The following SLC22A15 variants were observed in gnomAD, a reference collection of about 807,000 sequenced individuals.
SLC22A15 encodes flipt 1.
SLC22A15 carries 45 observed loss-of-function variants against 62.7 expected under a neutral mutation model. The observed-to-expected ratio is 0.72, with a 90% CI of 0.56 to 0.92. SLC22A15 has a LOEUF of 0.92. SLC22A15 is among the 40% of genes least tolerant of loss of function. The probability of loss-of-function intolerance (pLI) is 0.00; values close to 1 mark genes in which losing one functional copy is unlikely to be tolerated. For missense variants in SLC22A15, 622 were observed against 665.6 expected, an observed-to-expected ratio of 0.93 and a Z score of 0.72; for synonymous variants, 264 against 267.0, an observed-to-expected ratio of 0.99 and a Z score of 0.11.
intron 8 of SLC22A15, among the ~76,000 whole-genome samples, chr1:116,046,926 C>T (rs1411413796): frequency 6.6e-6 from 1 of 152,156 alleles, no homozygotes; most frequent in African/African-American, 2.4e-5. Context: ...CCTGGCACCA[C>T]AGGGATCCCT....
intron 2 of SLC22A15, among the ~76,000 whole-genome samples, chr1:115,999,502 C>CTTT (rs71096857): frequency 7.5e-6 from 1 of 133,950 alleles, no homozygotes; most frequent in African/African-American, 2.8e-5. Flanking sequence ...TATTTTTGTT[C>CTTT]TTTTTTTTTT....
At chr1:116,028,409 A>G (rs1296897130) in intron 5 of SLC22A15, among the ~76,000 whole-genome samples, 1 of 151,642 alleles carries the variant, frequency 6.6e-6, no homozygotes, top group Non-Finnish European at 1.5e-5. Context: ...GAATAAATAA[A>G]TTTTCTTTTA....
In SLC22A15 at chr1:116,052,249, C is replaced by T. The variant is rs528760825; in HGVS notation, c.1172-10513C>T. 1.9e-4 allele frequency among the ~76,000 whole-genome samples: 29 copies of T among 152,320 alleles called. 1 individual carries two copies. The East Asian group carries it at 2.5e-3, about 13-fold the overall frequency. ...CTTAGGAAACCAGGAGATTATATCC[C>T]GCACCTGGCTCGGAGGGTCCTACGC... is the stretch of plus-strand genomic sequence containing the variant. On this transcript the variant is annotated intron_variant, in intron 8 of 11. Transcript: ENST00000369503.
chr1:116,027,217 G>T, intron 5 of SLC22A15, 195 bp downstream of exon 5: 1 of 654,296 alleles, frequency 1.5e-6, no homozygotes, highest in South Asian at 1.5e-5. Context: ...CAGAATGCAG[G>T]TATCCCTTGT....
intron 8 of SLC22A15, among the ~76,000 whole-genome samples, chr1:116,045,870 AT>A (rs149958210): frequency 0.04 from 6,004 of 149,750 alleles, 170 homozygotes; most frequent in Middle Eastern, 0.066. Flanking sequence ...TGGTCAATTG[AT>A]TTTTTTTTTG....
At chr1:116,023,767 A>G (rs887797247) in intron 4 of SLC22A15, among the ~76,000 whole-genome samples, 2 of 152,238 alleles carry the variant, frequency 1.3e-5, no homozygotes, top group Non-Finnish European at 2.9e-5. Flanking sequence ...TAAATAGGAT[A>G]GTTAGAGAAA....
intron 2 of SLC22A15, among the ~76,000 whole-genome samples, chr1:116,016,606 A>T (rs1557887818): frequency 1.3e-5 from 2 of 152,090 alleles, no homozygotes; most frequent in Non-Finnish European, 2.9e-5. Context: ...TTCTCTACTT[A>T]GATGTTTTAT....
intron 6 of SLC22A15, among the ~76,000 whole-genome samples, chr1:116,034,957 A>G (rs1243385922): frequency 6.6e-6 from 1 of 152,260 alleles, no homozygotes; most frequent in African/African-American, 2.4e-5. Context: ...TTTATATAAC[A>G]TATAGACATA....
intron 8 of SLC22A15, among the ~76,000 whole-genome samples, chr1:116,051,505 A>G (rs1411646848): frequency 6.6e-6 from 1 of 152,244 alleles, no homozygotes; most frequent in Non-Finnish European, 1.5e-5. Context: ...ATAATTGGCT[A>G]GCCACATGTA....
At chr1:116,020,046 C>T (rs1656739542) in intron 3 of SLC22A15, among the ~76,000 whole-genome samples, 1 of 152,246 alleles carries the variant, frequency 6.6e-6, no homozygotes, top group African/African-American at 2.4e-5. Context: ...GGCCCATTTC[C>T]TTATATCTCT....
intron 11 of SLC22A15, 107 bp downstream of exon 11, chr1:116,066,815 A>G (rs1658510962): frequency 8.6e-7 from 1 of 1,160,488 alleles, no homozygotes; most frequent in Non-Finnish European, 1.2e-6. Context: ...CTGGAAAACA[A>G]AAGTGGGATC....
chr1:115,986,438 C>T (rs1273097998), intron 1 of SLC22A15, among the ~76,000 whole-genome samples: 7 of 152,022 alleles, frequency 4.6e-5, no homozygotes, highest in African/African-American at 1.5e-4. Context: ...GCAATATTTC[C>T]CCCGTAAATA....
At chr1:116,014,570 G>T (rs1656432664) in intron 2 of SLC22A15, among the ~76,000 whole-genome samples, 1 of 152,074 alleles carries the variant, frequency 6.6e-6, no homozygotes, top group African/African-American at 2.4e-5. Context: ...TAGATTTCCT[G>T]CTTTTTCAAT....
chr1:116,031,039 C>T (rs1195602245), intron 5 of SLC22A15, among the ~76,000 whole-genome samples: 1 of 152,024 alleles, frequency 6.6e-6, no homozygotes, highest in Non-Finnish European at 1.5e-5. Context: ...TTTCATTATT[C>T]AGTCCTATAG....
In SLC22A15 at chr1:116,031,892, A is replaced by G. The variant is rs1029360662; in HGVS notation, c.944+311A>G. 1.2e-5 allele frequency: 14 copies of G among 1,137,870 alleles called. No homozygotes were observed. The African/African-American group carries it at 1.9e-4, about 16-fold the overall frequency. The allele number at this position is 1,137,870 out of a possible 1,614,324, so 70.5% of individuals were successfully genotyped here. ...AAGCCTTCCTGCCCCTTCCCCTGCAAAAAAGGAAAGAAAGCAAATAAGCAT... is the reference window on the plus strand; with the variant it reads ...AAGCCTTCCTGCCCCTTCCCCTGCAGAAAAGGAAAGAAAGCAAATAAGCAT... On this transcript the variant is annotated intron_variant, in intron 6 of 11. Transcript: ENST00000369503.
Position 116,020,761 on chromosome 1 carries a change from T to G in SLC22A15, c.474T>G (p.Phe158Leu). 6.2e-7 allele frequency: 1 copy of G among 1,613,278 alleles called. No individual in the cohort carries two copies. The highest frequency in any genetic ancestry group is 1.1e-5 in the South Asian group (1 of 90,932). ...LDILFAIANG[F>L]SPSYEFFAVT... ...TCTTATTTGCAATTGCAAATGGATT[T>G]TCCCCCTCATATGAGTTCTTTGCAG... The change falls in exon 4 of 12, where the codon TTT becomes TTG. Residue 158 changes from phenylalanine (F) to leucine (L), a missense_variant. By Grantham distance (22) the Phe-to-Leu change is conservative (BLOSUM62 0). Transcript: ENST00000369503.
At position 116,040,723 on chromosome 1, in the gene SLC22A15, CT is replaced by C. The variant is rs567696825; in HGVS notation, c.1171+3337del. The stretch of plus-strand genomic sequence containing the variant: ...CCTTGACCTCTTGGGCTCAAGCAGT[CT>C]TACCACCTCAGTCTCCTGAGTAGCT... On this transcript the variant is annotated intron_variant, in intron 8 of 11. Coordinates refer to ENST00000369503, the MANE Select transcript of SLC22A15 (RefSeq NM_018420.3). Among the ~76,000 whole-genome samples, 460 of 152,296 alleles carry C rather than the reference CT, an allele frequency of 3.0e-3. 2 individuals carry two copies. The highest frequency in any genetic ancestry group is 4.9e-3 in the Non-Finnish European group (335 of 68,034).
At chr1:116,006,571 C>T (rs565716173) in intron 2 of SLC22A15, among the ~76,000 whole-genome samples, 1 of 152,142 alleles carries the variant, frequency 6.6e-6, no homozygotes, top group African/African-American at 2.4e-5. Context: ...CTTCCTGTTA[C>T]CTAAATCTTA....
intron 7 of SLC22A15, 145 bp from the exon 8 acceptor site, chr1:116,037,158 C>T (rs17035177): frequency 0.084 from 54,501 of 648,880 alleles, 2,768 homozygotes; most frequent in African/African-American, 0.16. Flanking sequence ...TAGTCAGTTT[C>T]CTATCAGTCA....
Sources: gnomAD v4.1 joint callset for allele counts (sites outside exome capture counted in the v4.1 genomes callset) on GRCh38, gnomAD v4.1.1 for gene constraint, MANE v1.5 for transcripts, NCBI Gene and HGNC (gene_info 2026-07-23, HGNC 2026-07-21) for gene names.